Variants in LARS2 observed in about 807,000 individuals in gnomAD.
The protein encoded by LARS2 is leucyl-tRNA synthetase 2, mitochondrial.
A neutral mutation model predicts 116.6 loss-of-function variants in LARS2; 81 were observed. That is an observed-to-expected ratio of 0.69 (90% CI 0.58 to 0.84). The LOEUF is 0.84. LARS2 is among the 40% of genes least tolerant of loss of function. The pLI, the probability that LARS2 is intolerant of heterozygous loss-of-function variation, is 0.00. For missense variants in LARS2, 968 were observed against 1,114.5 expected, an observed-to-expected ratio of 0.87 and a Z score of 1.87; for synonymous variants, 396 against 407.2, an observed-to-expected ratio of 0.97 and a Z score of 0.33.
intron 21 of LARS2, among the ~76,000 whole-genome samples, chr3:45,546,636 T>A (rs1445614081): frequency 1.3e-5 from 2 of 152,108 alleles, no homozygotes; most frequent in African/African-American, 4.8e-5. Context: ...GTAATGTGTG[T>A]GTAGATTTCG....
chr3:45,529,319 C>G (rs1700579843), intron 20 of LARS2, among the ~76,000 whole-genome samples: 1 of 152,058 alleles, frequency 6.6e-6, no homozygotes, highest in South Asian at 2.1e-4. Context: ...GTAATTTCAG[C>G]ACTTTGGGAG....
chr3:45,513,330 G>C, intron 16 of LARS2, 95 bp downstream of exon 16: 5 of 846,124 alleles, frequency 5.9e-6, no homozygotes, highest in Non-Finnish European at 1.0e-5. Flanking sequence ...CCTCTAGAGT[G>C]GGGAGGATGC....
At chr3:45,423,468 A>G (rs1234248043) in intron 6 of LARS2, among the ~76,000 whole-genome samples, 2 of 152,152 alleles carry the variant, frequency 1.3e-5, no homozygotes, top group East Asian at 1.9e-4. Flanking sequence ...ACGCACCACT[A>G]CACCCGGCTT....
chr3:45,481,179 A>G (rs998578895), intron 10 of LARS2, among the ~76,000 whole-genome samples: 2 of 152,186 alleles, frequency 1.3e-5, no homozygotes, highest in African/African-American at 4.8e-5. Flanking sequence ...GGCTCCTTTC[A>G]CTTAGCATAA....
At chr3:45,438,664 CAAAAAA>C (rs34358676) in intron 6 of LARS2, among the ~76,000 whole-genome samples, 3 of 135,642 alleles carry the variant, frequency 2.2e-5, no homozygotes, top group Non-Finnish European at 1.5e-5. Flanking sequence ...CTAAAAATAC[CAAAAAA>C]AAAAAAAAAA....
intron 14 of LARS2, among the ~76,000 whole-genome samples, chr3:45,498,396 A>G (rs1302913481): frequency 6.6e-6 from 1 of 152,206 alleles, no homozygotes; most frequent in African/African-American, 2.4e-5. Context: ...TTCCGGCCAA[A>G]TACCATCCTT....
intron 6 of LARS2, among the ~76,000 whole-genome samples, chr3:45,441,551 C>T (rs750991859): frequency 1.3e-5 from 2 of 152,202 alleles, no homozygotes; most frequent in Non-Finnish European, 2.9e-5. Context: ...ACCATACTCT[C>T]CCAGGCTCTT....
chr3:45,448,849 T>G (rs1282507476), intron 7 of LARS2, among the ~76,000 whole-genome samples: 2 of 152,242 alleles, frequency 1.3e-5, no homozygotes, highest in Non-Finnish European at 2.9e-5. Context: ...TCTTCCAGCG[T>G]GGGCTTTATG....
At chr3:45,474,603 TA>T (rs997444870) in intron 9 of LARS2, among the ~76,000 whole-genome samples, 4 of 152,218 alleles carry the variant, frequency 2.6e-5, no homozygotes, top group Admixed American at 1.3e-4. Context: ...AATGATTTAT[TA>T]AAGAAAGAGT....
At chr3:45,476,701 G>C in intron 10 of LARS2, 74 bp downstream of exon 10, 1 of 1,501,378 alleles carries the variant, frequency 6.7e-7, no homozygotes, top group Non-Finnish European at 9.2e-7. Context: ...CAGAGTTCAA[G>C]GTCCTTTCCT....
At chr3:45,412,401 A>G (rs1241449732) in intron 4 of LARS2, among the ~76,000 whole-genome samples, 2 of 152,114 alleles carry the variant, frequency 1.3e-5, no homozygotes, top group Admixed American at 6.6e-5. Context: ...GTTTGTATGT[A>G]TGTATTTGAG....
chr3:45,486,100 A>T (rs1699807612), intron 11 of LARS2, among the ~76,000 whole-genome samples: 1 of 152,158 alleles, frequency 6.6e-6, no homozygotes, highest in Non-Finnish European at 1.5e-5. Flanking sequence ...TGCAACTCAG[A>T]TGAAAATCCA....
At chr3:45,405,710 G>A (rs969562372) in intron 4 of LARS2, among the ~76,000 whole-genome samples, 13 of 152,142 alleles carry the variant, frequency 8.5e-5, no homozygotes, top group Admixed American at 2.0e-4. Context: ...AGACCATGCT[G>A]CTATAATAAA....
chr3:45,451,856 G>C (rs1270863351), intron 7 of LARS2, among the ~76,000 whole-genome samples: 1 of 151,892 alleles, frequency 6.6e-6, no homozygotes, highest in East Asian at 1.9e-4. Flanking sequence ...TGCATTTTTT[G>C]TTTGTCCTTT....
In LARS2 at chr3:45,475,195, A is replaced by AAAGG. The variant is rs1699591035; in HGVS notation, c.858+848_858+849insGAAG. Among the ~76,000 whole-genome samples the AAAGG allele has an allele frequency of 3.9e-5, 6 of 152,322 alleles. 1 individual carries two copies. The South Asian group carries it at 1.2e-3, about 32-fold the overall frequency. On this transcript the variant is annotated intron_variant, in intron 9 of 21. Coordinates refer to ENST00000645846, the MANE Select transcript of LARS2 (RefSeq NM_015340.4). The stretch of plus-strand genomic sequence containing the variant: ...AGGAGGAGGAAGCAGCAGCTGAGAC[A>AAAGG]AAGTTGGCCTTCCTTTCTAGACTCT...
intron 7 of LARS2, among the ~76,000 whole-genome samples, chr3:45,454,945 C>T (rs1699190325): frequency 6.6e-6 from 1 of 152,092 alleles, no homozygotes; most frequent in Non-Finnish European, 1.5e-5. Flanking sequence ...CCAAATTTAA[C>T]CACTTTTGGA....
At chr3:45,436,093 A>G (rs1041049766) in intron 6 of LARS2, among the ~76,000 whole-genome samples, 2 of 152,144 alleles carry the variant, frequency 1.3e-5, no homozygotes, top group African/African-American at 4.8e-5. Flanking sequence ...GCATGTTTCT[A>G]CTACTCATTG....
At chr3:45,402,510 A>G (rs112791744) in intron 4 of LARS2, among the ~76,000 whole-genome samples, 4 of 152,362 alleles carry the variant, frequency 2.6e-5, no homozygotes, top group African/African-American at 4.8e-5. Context: ...GTCAGGGCCT[A>G]TACAAATGAT....
chr3:45,512,730 C>T (rs930574580), intron 15 of LARS2, among the ~76,000 whole-genome samples: 2 of 152,164 alleles, frequency 1.3e-5, no homozygotes, highest in Non-Finnish European at 2.9e-5. Context: ...TGTCTCCAGA[C>T]TTTTCCAGGG....
Sources: allele counts gnomAD v4.1 joint callset (sites outside exome capture counted in the v4.1 genomes callset), GRCh38; gene constraint gnomAD v4.1.1; transcripts MANE v1.5; gene names NCBI Gene and HGNC (gene_info 2026-07-23, HGNC 2026-07-21).